The following PCDH15 variants were observed in gnomAD, a reference collection of about 807,000 sequenced individuals.
PCDH15 encodes the protein protocadherin-15.
PCDH15 carries 129 observed loss-of-function variants against 178.5 expected under a neutral mutation model. The observed-to-expected ratio is 0.72, with a 90% CI of 0.63 to 0.84. PCDH15 has a LOEUF of 0.84. Among genes scored for constraint, PCDH15 ranks in the 40% least tolerant of loss-of-function variants. PCDH15 has a pLI of 0.00. For synonymous variants in PCDH15, 800 were observed against 732.0 expected (o/e 1.09, Z -1.50); for missense variants, 2,230 against 2,099.9 (o/e 1.06, Z -1.21).
At chr10:55,007,871 A>G (rs1437678165) in intron 2 of PCDH15, among the ~76,000 whole-genome samples, 1 of 152,202 alleles carries the variant, frequency 6.6e-6, no homozygotes, top group Non-Finnish European at 1.5e-5. Flanking sequence ...AAATATGACT[A>G]AAGAGATAAA....
chr10:55,530,575 T>C (rs1162549688), intron 2 of PCDH15, among the ~76,000 whole-genome samples: 1 of 151,978 alleles, frequency 6.6e-6, no homozygotes, highest in African/African-American at 2.4e-5. Flanking sequence ...TACATTGTTA[T>C]AATGTTTAAC....
chr10:54,153,361 C>T lies in PCDH15; in HGVS notation c.1591-68G>A, dbSNP rs41274632. 46,708 of 1,542,716 alleles carry T rather than the reference C, an allele frequency of 0.03. 2,406 individuals are homozygous for T. Among genetic ancestry groups the T allele is most frequent in the African/African-American group, 0.2 (14,700 of 73,154 alleles). On this transcript the variant is annotated intron_variant, in intron 13 of 37. Coordinates refer to ENST00000644397, the MANE Select transcript of PCDH15 (RefSeq NM_001384140.1). The stretch of plus-strand genomic sequence containing the variant: ...TTTTCACCACCATGTCGTTTTTTCC[C>T]CCAACAAAAGAAGCTTGCTTTCAAA...
chr10:53,806,475 G>A lies in PCDH15; in HGVS notation c.*104C>T. The stretch of plus-strand genomic sequence containing the variant: ...CATATTGTTCAAAGTTTTAGCTTGT[G>A]TGCATGATATAAATTCCATACATTG... On this transcript the variant is annotated 3_prime_UTR_variant, in exon 38 of 38. Transcript: ENST00000644397. The A allele has an allele frequency of 1.0e-6, 1 of 982,180 alleles. No individual in the cohort carries two copies. The highest frequency in any genetic ancestry group is 1.5e-6 in the Non-Finnish European group (1 of 677,962). 60.8% of individuals were successfully genotyped at this position (982,180 alleles called of 1,614,324 possible). A position where few individuals can be genotyped will look rare whatever the true frequency, so the allele number is the denominator to read the frequency against.
intron 2 of PCDH15, among the ~76,000 whole-genome samples, chr10:55,582,822 G>A (rs1369009903): frequency 6.6e-6 from 1 of 151,482 alleles, no homozygotes; most frequent in South Asian, 2.1e-4. Context: ...TGAACAGAAA[G>A]AGTTATTGAT....
At chr10:54,567,095 ATCTTT>A (rs2089159736) in intron 2 of PCDH15, among the ~76,000 whole-genome samples, 1 of 152,250 alleles carries the variant, frequency 6.6e-6, no homozygotes, top group East Asian at 1.9e-4. Flanking sequence ...GATGTGGGAC[ATCTTT>A]TCATGTGCTT....
intron 3 of PCDH15, among the ~76,000 whole-genome samples, chr10:54,422,295 CT>C (rs1955626372): frequency 6.6e-6 from 1 of 151,976 alleles, no homozygotes; most frequent in Non-Finnish European, 1.5e-5. Flanking sequence ...GTTACCTCCT[CT>C]ATGCTTCAAT....
At chr10:54,677,235 C>T (rs935324835) in intron 1 of PCDH15, among the ~76,000 whole-genome samples, 6 of 151,840 alleles carry the variant, frequency 4.0e-5, no homozygotes, top group African/African-American at 1.2e-4. Context: ...AAAAATTAGC[C>T]GGGAGTAAGG....
At chr10:53,863,431 G>C (rs1046812790) in intron 27 of PCDH15, among the ~76,000 whole-genome samples, 1 of 152,096 alleles carries the variant, frequency 6.6e-6, no homozygotes, top group East Asian at 1.9e-4. Flanking sequence ...GTAAGATAAG[G>C]ACTGGCATCA....
chr10:54,006,418 C>T (rs1180523510), intron 20 of PCDH15, among the ~76,000 whole-genome samples: 1 of 152,166 alleles, frequency 6.6e-6, no homozygotes, highest in Non-Finnish European at 1.5e-5. Context: ...CTAGCTGGTT[C>T]ACAGAAATTA....
chr10:55,045,712 T>C (rs1027925596), intron 2 of PCDH15, among the ~76,000 whole-genome samples: 1 of 152,048 alleles, frequency 6.6e-6, no homozygotes, highest in African/African-American at 2.4e-5. Flanking sequence ...AAATGAAAGA[T>C]AAAATTAATG....
intron 3 of PCDH15, among the ~76,000 whole-genome samples, chr10:54,498,499 T>G (rs2080340685): frequency 6.6e-6 from 1 of 152,070 alleles, no homozygotes; most frequent in African/African-American, 2.4e-5. Context: ...AATGGCAAGT[T>G]GGATAAAGAA....
intron 1 of PCDH15, among the ~76,000 whole-genome samples, chr10:55,283,211 C>G (rs2132259297): frequency 6.6e-6 from 1 of 152,168 alleles, no homozygotes; most frequent in African/African-American, 2.4e-5. Flanking sequence ...CAGCTGGCAC[C>G]ACCCAGTTCA....
chr10:54,977,289 G>A (rs1839096294), intron 2 of PCDH15, among the ~76,000 whole-genome samples: 1 of 152,124 alleles, frequency 6.6e-6, no homozygotes, highest in South Asian at 2.1e-4. Flanking sequence ...GGTTTCATAA[G>A]ACACAGGTCA....
intron 13 of PCDH15, among the ~76,000 whole-genome samples, chr10:54,161,492 A>G (rs1249284146): frequency 6.6e-6 from 1 of 152,124 alleles, no homozygotes; most frequent in Admixed American, 6.5e-5. Context: ...GATTGTGGTC[A>G]TTGTTGCACA....
At chr10:54,504,704 GATATACATATACAT>G (rs1200850287) in intron 3 of PCDH15, among the ~76,000 whole-genome samples, 1 of 152,098 alleles carries the variant, frequency 6.6e-6, no homozygotes, top group Non-Finnish European at 1.5e-5. Flanking sequence ...TAGAGATACA[GATATACATATACAT>G]ATATACATAT....
At chr10:54,741,136 GTAT>G (rs1467413162) in intron 1 of PCDH15, among the ~76,000 whole-genome samples, 8 of 150,754 alleles carry the variant, frequency 5.3e-5, no homozygotes, top group Admixed American at 4.0e-4. Context: ...ACATAAATAT[GTAT>G]TATTATGTAC....
chr10:54,574,104 C>A (rs1178204782), intron 2 of PCDH15, among the ~76,000 whole-genome samples: 1 of 151,722 alleles, frequency 6.6e-6, no homozygotes, highest in African/African-American at 2.4e-5. Context: ...CTTGCCCATG[C>A]CTATGTCCTG....
At chr10:54,997,835 G>GTGCT (rs1189083643) in intron 2 of PCDH15, among the ~76,000 whole-genome samples, 18 of 152,154 alleles carry the variant, frequency 1.2e-4, no homozygotes, top group African/African-American at 4.1e-4. Context: ...AATGGTATTA[G>GTGCT]TGCTGGTGAA....
rs967876850 is a variant in PCDH15, at chr10:55,228,461, A to T, written c.-155-61810T>A. ...GACTGCTTGACTTTTAAAAAAATGT[A>T]CATGTATTGCATTGAAAAAAATTAA... On this transcript the variant is annotated intron_variant, in intron 1 of 5. Coordinates refer to the PCDH15 transcript ENST00000458638. Among the ~76,000 whole-genome samples, 5 of 152,076 alleles carry T rather than the reference A, an allele frequency of 3.3e-5. No individual in the cohort carries two copies. In the South Asian group the frequency reaches 1.0e-3, roughly 31 times the overall value.
Sources: gnomAD v4.1 joint callset for allele counts (sites outside exome capture counted in the v4.1 genomes callset) on GRCh38, gnomAD v4.1.1 for gene constraint, MANE v1.5 for transcripts, NCBI Gene and HGNC (gene_info 2026-07-23, HGNC 2026-07-21) for gene names.